Variants in FBLN1 observed in about 807,000 individuals in gnomAD.
FBLN1 encodes fibulin-1.
In FBLN1, 34 loss-of-function variants were observed where a neutral mutation model predicts 89.7. The ratio of observed to expected loss-of-function variants is 0.38; its 90% CI spans 0.29 to 0.50. FBLN1 has a LOEUF of 0.50. Among genes scored for constraint, FBLN1 ranks in the 20% least tolerant of loss-of-function variants. The pLI, the probability that FBLN1 is intolerant of heterozygous loss-of-function variation, is 0.92. For synonymous variants in FBLN1, 393 were observed against 391.3 expected, an observed-to-expected ratio of 1.00 and a Z score of -0.05; for missense variants, 777 against 988.1, an observed-to-expected ratio of 0.79 and a Z score of 2.86.
chr22:45,510,739 G>C (rs1281225265), intron 1 of FBLN1, among the ~76,000 whole-genome samples: 1 of 152,080 alleles, frequency 6.6e-6, no homozygotes, highest in Non-Finnish European at 1.5e-5. Context: ...CCAGGGCATG[G>C]TCCCCGCAGG....
chr22:45,586,508 A>T (rs1433558458), intron 16 of FBLN1, among the ~76,000 whole-genome samples: 1 of 152,260 alleles, frequency 6.6e-6, no homozygotes, highest in Non-Finnish European at 1.5e-5. Flanking sequence ...TCATGGTCCC[A>T]GCGGGAGGGT....
intron 16 of FBLN1, among the ~76,000 whole-genome samples, chr22:45,587,373 C>T (rs1184637480): frequency 3.5e-5 from 4 of 114,498 alleles, no homozygotes; most frequent in South Asian, 3.3e-4. Context: ...CATCCATCCC[C>T]GCTGCCCGGC....
At position 45,581,164 on chromosome 22, in the gene FBLN1, C is replaced by T. The variant is rs901938668; in HGVS notation, c.1972+4056C>T. Among the ~76,000 whole-genome samples, 7 of 152,092 alleles carry T rather than the reference C, an allele frequency of 4.6e-5. No individual in the cohort carries two copies. The highest frequency in any genetic ancestry group is 2.1e-4 in the South Asian group (1 of 4,814). On this transcript the variant is annotated intron_variant, in intron 16 of 16. Coordinates refer to ENST00000327858, the MANE Select transcript of FBLN1 (RefSeq NM_006486.3). The surrounding 1 kb of genome is among the most constrained non-coding windows in gnomAD (Gnocchi z 7.6). ...GGGGGAGCCCTGGCTGCAGCAGGGG[C>T]GGGCTGTGTATCATCAGCGTGCGGA... is the stretch of plus-strand genomic sequence containing the variant.
At chr22:45,559,620 C>A (rs1027593304) in intron 14 of FBLN1, among the ~76,000 whole-genome samples, 3 of 152,104 alleles carry the variant, frequency 2.0e-5, no homozygotes, top group African/African-American at 7.2e-5. Flanking sequence ...CCCACTGGAC[C>A]CACTGTAAGT....
Position 45,562,662 on chromosome 22 carries a change from C to T in FBLN1, c.1698-11849C>T, listed in dbSNP as rs971755950. The stretch of plus-strand genomic sequence containing the variant: ...AGCAGGGGACGCACCTCACTCCGGG[C>T]ACAGCCTTTGGCCCCCGGCCACCCA... On this transcript the variant is annotated intron_variant, in intron 14 of 16. Coordinates refer to ENST00000327858, the MANE Select transcript of FBLN1 (RefSeq NM_006486.3). This position sits in a 1 kb window ranked among gnomAD's most constrained non-coding sequence, Gnocchi z 7.8. Among the ~76,000 whole-genome samples, 5 of 152,224 alleles carry T rather than the reference C, an allele frequency of 3.3e-5. No homozygotes were observed. Among genetic ancestry groups the T allele is most frequent in the Non-Finnish European group, 5.9e-5 (4 of 68,038 alleles).
rs185782165 is a variant in FBLN1 at position 45,561,852 on chromosome 22, G to A, written c.1697+11237G>A. 3.9e-5 allele frequency among the ~76,000 whole-genome samples: 6 copies of A among 152,300 alleles called. No homozygotes were observed. The highest frequency in any genetic ancestry group is 7.3e-5 in the Non-Finnish European group (5 of 68,028). On this transcript the variant is annotated intron_variant, in intron 14 of 16. Coordinates refer to ENST00000327858, the MANE Select transcript of FBLN1 (RefSeq NM_006486.3). The surrounding 1 kb of genome is among the most constrained non-coding windows in gnomAD (Gnocchi z 4.7). ...CCCAAAACTGAAGAACTTGGAGTCC[G>A]ATGTTCAAGGGCAGGAAGCATCCAG...
At chr22:45,518,922 G>T in intron 2 of FBLN1, 135 bp downstream of exon 2, 1 of 828,574 alleles carries the variant, frequency 1.2e-6, no homozygotes, top group South Asian at 1.4e-5. Context: ...GGCTGCGGGT[G>T]CTGCAGTGGG....
intron 16 of FBLN1, among the ~76,000 whole-genome samples, chr22:45,592,850 C>T (rs541166769): frequency 7.6e-4 from 116 of 152,310 alleles, no homozygotes; most frequent in African/African-American, 2.6e-3. Context: ...ACTTCCCTTC[C>T]TTTCTGCTCA....
intron 2 of FBLN1, among the ~76,000 whole-genome samples, chr22:45,521,747 C>T (rs998534481): frequency 6.6e-6 from 1 of 152,158 alleles, no homozygotes; most frequent in African/African-American, 2.4e-5. Context: ...GAGGTCAGAG[C>T]TCCTGTCTGG....
At chr22:45,567,892 A>C (rs2088912587) in intron 14 of FBLN1, among the ~76,000 whole-genome samples, 1 of 152,190 alleles carries the variant, frequency 6.6e-6, no homozygotes, top group Non-Finnish European at 1.5e-5. Context: ...GGGGAACAGC[A>C]GCTGAAACTG....
chr22:45,561,648 T>G lies in FBLN1; in HGVS notation c.1697+11033T>G, dbSNP rs1170873438. 6.6e-6 allele frequency among the ~76,000 whole-genome samples: 1 copy of G among 152,182 alleles called. No individual in the cohort carries two copies. The highest frequency in any genetic ancestry group is 2.4e-5 in the African/African-American group (1 of 41,438). ...AATGAAAGAACTCCATCTTTAATAT[T>G]CTCTTCCTCTAGAACCACTCCTGGT... is the stretch of plus-strand genomic sequence containing the variant. On this transcript the variant is annotated intron_variant, in intron 14 of 16. Transcript: ENST00000327858. This position sits in a 1 kb window ranked among gnomAD's most constrained non-coding sequence, Gnocchi z 4.7.
chr22:45,589,747 G>A (rs2089120156), intron 16 of FBLN1, among the ~76,000 whole-genome samples: 2 of 152,102 alleles, frequency 1.3e-5, no homozygotes, highest in Non-Finnish European at 2.9e-5. Flanking sequence ...CTCTCCCCTA[G>A]CCCTCCCTCC....
chr22:45,545,116 T>A lies in FBLN1; in HGVS notation c.1321+1590T>A, dbSNP rs557605303. 4.5e-4 allele frequency among the ~76,000 whole-genome samples: 69 copies of A among 152,312 alleles called. No homozygotes were observed. The highest frequency in any genetic ancestry group is 1.5e-3 in the African/African-American group (64 of 41,562). On this transcript the variant is annotated intron_variant, in intron 11 of 16. Coordinates refer to ENST00000327858, the MANE Select transcript of FBLN1 (RefSeq NM_006486.3). This position sits in a 1 kb window ranked among gnomAD's most constrained non-coding sequence, Gnocchi z 5.9. ...TTGGATATGCCACAGTGAGCTGTGGTGTGCATGATTCTCAAATCGGAGGAC... is the reference window on the plus strand; with the variant it reads ...TTGGATATGCCACAGTGAGCTGTGGAGTGCATGATTCTCAAATCGGAGGAC...
chr22:45,512,883 A>G (rs2146942912), intron 1 of FBLN1, among the ~76,000 whole-genome samples: 1 of 152,260 alleles, frequency 6.6e-6, no homozygotes, highest in East Asian at 1.9e-4. Flanking sequence ...TCTGCCTTCC[A>G]AAGTGCTAGG....
At chr22:45,571,158 A>AAACAAACT (rs2088950843) in intron 14 of FBLN1, among the ~76,000 whole-genome samples, 1 of 151,760 alleles carries the variant, frequency 6.6e-6, no homozygotes, top group Non-Finnish European at 1.5e-5. Context: ...AAGGAGGGAA[A>AAACAAACT]AACAAACTAT....
chr22:45,506,679 C>T (rs2088025242), intron 1 of FBLN1, among the ~76,000 whole-genome samples: 1 of 152,186 alleles, frequency 6.6e-6, no homozygotes, highest in African/African-American at 2.4e-5. Context: ...AGAGAAAACA[C>T]GAGACTTCCA....
Position 45,531,914 on chromosome 22 carries a change from C to T in FBLN1, c.544+590C>T, listed in dbSNP as rs1357751336. ...GGGCTCAGCGTTCCCTGCCTTTGTG[C>T]CCCTGGAGCCCCAGCCACGGTTCTG... is the stretch of plus-strand genomic sequence containing the variant. On this transcript the variant is annotated intron_variant, in intron 5 of 16. Coordinates refer to ENST00000327858, the MANE Select transcript of FBLN1 (RefSeq NM_006486.3). The surrounding 1 kb of genome is among the most constrained non-coding windows in gnomAD (Gnocchi z 4.9). Among the ~76,000 whole-genome samples, 1 of 152,238 alleles carries T rather than the reference C, an allele frequency of 6.6e-6. No homozygotes were observed. The highest frequency in any genetic ancestry group is 1.5e-5 in the Non-Finnish European group (1 of 68,042).
At chr22:45,541,600 C>T (rs966598801) in intron 9 of FBLN1, among the ~76,000 whole-genome samples, 10 of 152,176 alleles carry the variant, frequency 6.6e-5, no homozygotes, top group African/African-American at 2.2e-4. Context: ...CCAAAGCTCT[C>T]GCACCCCACC....
intron 8 of FBLN1, 164 bp downstream of exon 8, chr22:45,535,501 C>G (rs963025111): frequency 9.9e-5 from 77 of 777,494 alleles, no homozygotes; most frequent in Non-Finnish European, 1.5e-4. Context: ...ATACTTTAGC[C>G]GTTGTGGGCC....
Sources: gnomAD v4.1 joint callset for allele counts (sites outside exome capture counted in the v4.1 genomes callset) on GRCh38, gnomAD v4.1.1 for gene constraint, Gnocchi (gnomAD v3.1) non-coding constraint, MANE v1.5 for transcripts, NCBI Gene and HGNC (gene_info 2026-07-23, HGNC 2026-07-21) for gene names.